XKR4: variants seen among roughly 807,000 people sequenced by gnomAD.
XKR4 encodes the protein XK related 4.
XKR4 carries 12 observed loss-of-function variants against 53.9 expected under a neutral mutation model. The ratio of observed to expected loss-of-function variants is 0.22; its 90% CI spans 0.14 to 0.36. The LOEUF is 0.36. Among genes scored for constraint, XKR4 ranks in the 10% least tolerant of loss-of-function variants. The pLI, the probability that XKR4 is intolerant of heterozygous loss-of-function variation, is 1.00. For synonymous variants in XKR4, 354 were observed against 362.4 expected (o/e 0.98, Z 0.26); for missense variants, 799 against 859.5 (o/e 0.93, Z 0.88).
chr8:55,361,820 C>A (rs1803913623), intron 2 of XKR4, among the ~76,000 whole-genome samples: 1 of 152,128 alleles, frequency 6.6e-6, no homozygotes, highest in African/African-American at 2.4e-5. Flanking sequence ...GGCCTTTGCA[C>A]CTGCTATTAA....
chr8:55,143,397 AT>A (rs1378421232), intron 1 of XKR4, among the ~76,000 whole-genome samples: 2 of 152,164 alleles, frequency 1.3e-5, no homozygotes, highest in African/African-American at 4.8e-5. Context: ...ATCTGATAAA[AT>A]TTTGATTTTT....
chr8:55,164,993 T>C (rs1817046568), intron 1 of XKR4, among the ~76,000 whole-genome samples: 1 of 152,130 alleles, frequency 6.6e-6, no homozygotes, highest in Admixed American at 6.5e-5. Flanking sequence ...GGTCATTTCT[T>C]ATCAAAAGGC....
rs1807103771 is a variant in XKR4 at position 55,541,737 on chromosome 8, T to C, written c.*17510T>C. 1 of 152,210 alleles carries C rather than the reference T, an allele frequency of 6.6e-6. No individual in the cohort carries two copies. Among genetic ancestry groups the C allele is most frequent in the African/African-American group, 2.4e-5 (1 of 41,444 alleles). 9.4% of individuals were successfully genotyped at this position (152,210 alleles called of 1,614,324 possible). On this transcript the variant is annotated 3_prime_UTR_variant, in exon 3 of 3. Transcript: ENST00000327381. Reference sequence around the variant, plus strand: ...TTGAAATGGAGACTTAAACTAGTTATTAAATTTGTTTCCTTCCTGTAAATA... The same window carrying C: ...TTGAAATGGAGACTTAAACTAGTTACTAAATTTGTTTCCTTCCTGTAAATA...
chr8:55,177,228 G>C lies in XKR4; in HGVS notation c.806+73934G>C, dbSNP rs139657562. Among the ~76,000 whole-genome samples the C allele has an allele frequency of 5.6e-3, 854 of 152,078 alleles. 4 individuals carry two copies. Among genetic ancestry groups the C allele is most frequent in the African/African-American group, 0.02 (815 of 41,462 alleles). On this transcript the variant is annotated intron_variant, in intron 1 of 2. Transcript: ENST00000327381. Reference sequence around the variant, plus strand: ...ACTTTTGTATTTTTAGTAGAAACAGGGTTTCACCATGTTGGCCAGGCTGGT... The same window carrying C: ...ACTTTTGTATTTTTAGTAGAAACAGCGTTTCACCATGTTGGCCAGGCTGGT...
intron 1 of XKR4, among the ~76,000 whole-genome samples, chr8:55,210,515 A>G (rs1186735032): frequency 6.6e-6 from 1 of 152,228 alleles, no homozygotes; most frequent in African/African-American, 2.4e-5. Flanking sequence ...GATCTTTTTC[A>G]TAGTTTTCAT....
rs146176402 is a variant in XKR4 at position 55,283,419 on chromosome 8, T to C, written c.807-74259T>C. ...CTTCTCTGAAACTCAGGATCTTGTC[T>C]GTCAACTTTGTACATTAACACTTCC... On this transcript the variant is annotated intron_variant, in intron 1 of 2. Coordinates refer to ENST00000327381, the MANE Select transcript of XKR4 (RefSeq NM_052898.2). Among the ~76,000 whole-genome samples, 1,386 of 152,352 alleles carry C rather than the reference T, an allele frequency of 9.1e-3. 15 individuals carry two copies. Among genetic ancestry groups the C allele is most frequent in the African/African-American group, 0.031 (1,274 of 41,564 alleles).
chr8:55,142,439 GA>G (rs965449242), intron 1 of XKR4: 16 of 200,908 alleles, frequency 8.0e-5, no homozygotes, highest in African/African-American at 3.6e-4. Flanking sequence ...AGGTCCTCCT[GA>G]AAAGCAGGCC....
chr8:55,304,420 T>C (rs1158123336), intron 1 of XKR4, among the ~76,000 whole-genome samples: 1 of 152,198 alleles, frequency 6.6e-6, no homozygotes, highest in Non-Finnish European at 1.5e-5. Flanking sequence ...CTTCCAACTA[T>C]GTGGTCAATT....
intron 1 of XKR4, among the ~76,000 whole-genome samples, chr8:55,184,460 G>T (rs1468098995): frequency 1.3e-5 from 2 of 152,096 alleles, no homozygotes; most frequent in African/African-American, 4.8e-5. Flanking sequence ...TCTTGTTGTA[G>T]GAATCAGAGT....
intron 2 of XKR4, among the ~76,000 whole-genome samples, chr8:55,374,827 G>A (rs1457981333): frequency 6.6e-6 from 1 of 152,242 alleles, no homozygotes; most frequent in Non-Finnish European, 1.5e-5. Context: ...GTGGTAGCAA[G>A]GGTAGAATTT....
chr8:55,132,617 T>G (rs1223793029), intron 1 of XKR4, among the ~76,000 whole-genome samples: 1 of 152,168 alleles, frequency 6.6e-6, no homozygotes, highest in East Asian at 1.9e-4. Flanking sequence ...CTACTGTGCC[T>G]GACTCCAGGG....
chr8:55,452,012 G>T, intron 2 of XKR4: 1 of 769,552 alleles, frequency 1.3e-6, no homozygotes, highest in Non-Finnish European at 2.4e-6. Context: ...TCTTCTTGAC[G>T]TTCTTAACCA....
intron 1 of XKR4, among the ~76,000 whole-genome samples, chr8:55,292,132 A>G (rs577800347): frequency 3.9e-5 from 6 of 152,218 alleles, no homozygotes; most frequent in African/African-American, 1.4e-4. Context: ...GTTGGCCTAT[A>G]GTTTTTCCTT....
intron 1 of XKR4, among the ~76,000 whole-genome samples, chr8:55,225,688 G>A (rs1327670173): frequency 6.6e-6 from 1 of 152,308 alleles, no homozygotes; most frequent in Non-Finnish European, 1.5e-5. Context: ...CCACATGAAC[G>A]TATGCACATC....
At chr8:55,321,812 A>T (rs1219492730) in intron 1 of XKR4, among the ~76,000 whole-genome samples, 1 of 152,140 alleles carries the variant, frequency 6.6e-6, no homozygotes, top group Non-Finnish European at 1.5e-5. Flanking sequence ...AACGTGGTGA[A>T]ACCCCGTCTC....
At chr8:55,129,099 A>G (rs920949963) in intron 1 of XKR4, among the ~76,000 whole-genome samples, 1 of 152,262 alleles carries the variant, frequency 6.6e-6, no homozygotes, top group African/African-American at 2.4e-5. Flanking sequence ...ACTTACAGTG[A>G]GAACAATATT....
chr8:55,307,061 T>C (rs1235321169), intron 1 of XKR4, among the ~76,000 whole-genome samples: 5 of 150,396 alleles, frequency 3.3e-5, no homozygotes, highest in African/African-American at 1.2e-4. Context: ...TAGGAGAAAA[T>C]ATTTGAGACC....
At chr8:55,511,962 A>G (rs1806632142) in intron 2 of XKR4, among the ~76,000 whole-genome samples, 1 of 152,072 alleles carries the variant, frequency 6.6e-6, no homozygotes, top group Non-Finnish European at 1.5e-5. Context: ...TGGAGTGGGG[A>G]GGGCAAAACT....
intron 1 of XKR4, among the ~76,000 whole-genome samples, chr8:55,299,579 A>G (rs1196889506): frequency 6.6e-6 from 1 of 152,184 alleles, no homozygotes; most frequent in East Asian, 1.9e-4. Context: ...AGTGAGTAAG[A>G]ATTCTGTTAA....
Sources: allele counts gnomAD v4.1 joint callset (sites outside exome capture counted in the v4.1 genomes callset), GRCh38; gene constraint gnomAD v4.1.1; transcripts MANE v1.5; gene names NCBI Gene and HGNC (gene_info 2026-07-23, HGNC 2026-07-21).